NUBPL: variants seen among roughly 807,000 people sequenced by gnomAD.
NUBPL encodes NUBP iron-sulfur cluster assembly factor, mitochondrial, also known as iron-sulfur cluster transfer protein NUBPL.
Under a neutral mutation model 45.7 loss-of-function variants are expected in NUBPL, and 31 were observed. That is an observed-to-expected ratio of 0.68 (90% confidence interval 0.51 to 0.92). The LOEUF (loss-of-function observed/expected upper bound fraction) is 0.92. Among genes scored for constraint, NUBPL ranks in the 40% least tolerant of loss-of-function variants. The pLI, the probability that NUBPL is intolerant of heterozygous loss-of-function variation, is 0.00. For synonymous variants in NUBPL, 144 were observed against 140.9 expected, an observed-to-expected ratio of 1.02 and a Z score of -0.15; for missense variants, 401 against 398.7, an observed-to-expected ratio of 1.01 and a Z score of -0.05.
intron 4 of NUBPL, among the ~76,000 whole-genome samples, chr14:31,664,134 T>C (rs2036343856): frequency 6.6e-6 from 1 of 152,216 alleles, no homozygotes; most frequent in South Asian, 2.1e-4. Context: ...AAGGAGTTTT[T>C]GGACTCAGAC....
At chr14:31,624,820 C>T (rs2035162383) in intron 4 of NUBPL, among the ~76,000 whole-genome samples, 1 of 152,204 alleles carries the variant, frequency 6.6e-6, no homozygotes, top group Non-Finnish European at 1.5e-5. Flanking sequence ...CTGCCTTGGC[C>T]TCCCAAAGTG....
intron 6 of NUBPL, among the ~76,000 whole-genome samples, chr14:31,747,987 C>T (rs759188133): frequency 4.6e-5 from 7 of 151,888 alleles, no homozygotes; most frequent in Non-Finnish European, 7.4e-5. Context: ...TCACAGGTTT[C>T]GATAGGTTGT....
intron 4 of NUBPL, among the ~76,000 whole-genome samples, chr14:31,657,306 A>T (rs2036163418): frequency 1.3e-5 from 2 of 152,220 alleles, no homozygotes. Context: ...TGGGCCATTC[A>T]TATAAGCTTT....
At chr14:31,779,114 G>A (rs2039147648) in intron 6 of NUBPL, among the ~76,000 whole-genome samples, 1 of 152,050 alleles carries the variant, frequency 6.6e-6, no homozygotes, top group African/African-American at 2.4e-5. Flanking sequence ...GGGAGAGGCG[G>A]GTGGATTACC....
At chr14:31,645,659 A>G (rs1214758293) in intron 4 of NUBPL, among the ~76,000 whole-genome samples, 1 of 152,086 alleles carries the variant, frequency 6.6e-6, no homozygotes, top group African/African-American at 2.4e-5. Context: ...TGTGGTTAGT[A>G]TGAGACTTGC....
chr14:31,655,823 C>G (rs768750184), intron 4 of NUBPL, among the ~76,000 whole-genome samples: 14 of 152,218 alleles, frequency 9.2e-5, no homozygotes, highest in African/African-American at 2.4e-5. Context: ...CTTGTATTTT[C>G]AAAATGGTCA....
chr14:31,856,546 C>T (rs951021744), intron 10 of NUBPL, among the ~76,000 whole-genome samples: 6 of 152,178 alleles, frequency 3.9e-5, no homozygotes, highest in African/African-American at 1.2e-4. Context: ...TCATCTGAGA[C>T]AAGGCAAGTC....
intron 4 of NUBPL, among the ~76,000 whole-genome samples, chr14:31,645,209 G>T (rs2035812600): frequency 6.6e-6 from 1 of 151,992 alleles, no homozygotes; most frequent in South Asian, 2.1e-4. Context: ...GGGACTACAG[G>T]CGCCCGCCAC....
At chr14:31,815,708 C>T (rs1292806657) in intron 7 of NUBPL, among the ~76,000 whole-genome samples, 2 of 148,406 alleles carry the variant, frequency 1.3e-5, no homozygotes, top group East Asian at 4.0e-4. Flanking sequence ...GAGATACATT[C>T]CATCAATACT....
chr14:31,639,014 C>G (rs1398910222), intron 4 of NUBPL, among the ~76,000 whole-genome samples: 1 of 152,090 alleles, frequency 6.6e-6, no homozygotes, highest in Admixed American at 6.5e-5. Flanking sequence ...TTTTTCACTT[C>G]TTTGCCTTTG....
intron 6 of NUBPL, among the ~76,000 whole-genome samples, chr14:31,777,493 G>T (rs1266073770): frequency 6.6e-6 from 1 of 152,248 alleles, no homozygotes; most frequent in African/African-American, 2.4e-5. Flanking sequence ...CACAATCCTA[G>T]TGGGAGTCGC....
chr14:31,646,304 G>A (rs571584322), intron 4 of NUBPL, among the ~76,000 whole-genome samples: 27 of 151,652 alleles, frequency 1.8e-4, no homozygotes, highest in African/African-American at 5.6e-4. Context: ...CTTGTACCTC[G>A]GCCTCCCAAG....
intron 6 of NUBPL, among the ~76,000 whole-genome samples, chr14:31,717,625 G>T (rs2037718355): frequency 6.6e-6 from 1 of 151,982 alleles, no homozygotes; most frequent in Admixed American, 6.6e-5. Context: ...CTTTTAATTT[G>T]TGGCTCCTTC....
rs1292017591 is a variant in NUBPL at position 31,635,715 on chromosome 14, C to A, written c.382+36336C>A. ...ATTTTCATGATATTGATTCTTCCTA[C>A]CCATGAGCATGGAATGTTCTTCCAT... On this transcript the variant is annotated intron_variant, in intron 4 of 10. Transcript: ENST00000281081. Among the ~76,000 whole-genome samples, 3 of 132,482 alleles carry A rather than the reference C, an allele frequency of 2.3e-5. No individual in the cohort carries two copies. In the East Asian group the frequency reaches 7.3e-4, roughly 32 times the overall value. 86.9% of individuals were successfully genotyped at this position (132,482 alleles called of 152,430 possible).
chr14:31,659,554 T>G (rs2139765383), intron 4 of NUBPL, among the ~76,000 whole-genome samples: 1 of 152,316 alleles, frequency 6.6e-6, no homozygotes, highest in East Asian at 1.9e-4. Flanking sequence ...CTAGCCTTCC[T>G]TTTACTACAT....
intron 6 of NUBPL, among the ~76,000 whole-genome samples, chr14:31,751,269 T>C (rs902444128): frequency 6.6e-6 from 1 of 152,238 alleles, no homozygotes; most frequent in African/African-American, 2.4e-5. Context: ...CTTAACTTAT[T>C]CCAGCATTAA....
At chr14:31,718,480 G>A (rs766136495) in intron 6 of NUBPL, among the ~76,000 whole-genome samples, 2 of 152,020 alleles carry the variant, frequency 1.3e-5, no homozygotes, top group Non-Finnish European at 2.9e-5. Context: ...TCTGTCATAT[G>A]GCCAGAAATG....
intron 4 of NUBPL, among the ~76,000 whole-genome samples, chr14:31,623,181 T>A (rs1168803972): frequency 6.6e-6 from 1 of 152,256 alleles, no homozygotes; most frequent in Non-Finnish European, 1.5e-5. Flanking sequence ...ATGGGGCCTG[T>A]AGCCCCTTTG....
intron 6 of NUBPL, among the ~76,000 whole-genome samples, chr14:31,754,538 T>G (rs1412923232): frequency 6.7e-6 from 1 of 150,132 alleles, no homozygotes; most frequent in Non-Finnish European, 1.5e-5. Context: ...GGAAAGATAA[T>G]CTATAGATTT....
Sources: gnomAD v4.1 joint callset for allele counts (sites outside exome capture counted in the v4.1 genomes callset) on GRCh38, gnomAD v4.1.1 for gene constraint, MANE v1.5 for transcripts, NCBI Gene and HGNC (gene_info 2026-07-23, HGNC 2026-07-21) for gene names.